FER1L6: variants seen among roughly 807,000 people sequenced by gnomAD.
FER1L6 encodes fer-1-like protein 6.
A neutral mutation model predicts 219.2 loss-of-function variants in FER1L6; 177 were observed. The ratio of observed to expected loss-of-function variants is 0.81; its 90% CI spans 0.71 to 0.91. The LOEUF is 0.91. Ranked by LOEUF, FER1L6 falls within the 40% of genes least tolerant of loss-of-function variation. The pLI is 0.00. For missense variants in FER1L6, 2,153 were observed against 2,259.9 expected, an observed-to-expected ratio of 0.95 and a Z score of 0.96; for synonymous variants, 768 against 824.3, an observed-to-expected ratio of 0.93 and a Z score of 1.17.
Position 124,097,318 on chromosome 8 carries a change from A to G in FER1L6, c.4743A>G (p.Gln1581=), listed in dbSNP as rs1357262722. ...ACATGTTTCCCAAGGATATGCCTCAACCTGGACCTCCTGTTGACATCTCTC... is the reference window on the plus strand; with the variant it reads ...ACATGTTTCCCAAGGATATGCCTCAGCCTGGACCTCCTGTTGACATCTCTC... The part of the protein sequence containing the change: ...WVDMFPKDMP[Q]PGPPVDISPR... The change falls in exon 36 of 41, where the codon CAA becomes CAG. Residue 1581 remains glutamine, a synonymous_variant. Coordinates refer to ENST00000522917, the MANE Select transcript of FER1L6 (RefSeq NM_001039112.2). 23 of 1,613,544 alleles carry G rather than the reference A, an allele frequency of 1.4e-5. No homozygotes were observed. Among genetic ancestry groups the G allele is most frequent in the East Asian group, 1.1e-4 (5 of 44,860 alleles).
Position 124,066,491 on chromosome 8 carries a change from G to A in FER1L6, c.3619G>A (p.Ala1207Thr), listed in dbSNP as rs1482192264. The change falls in exon 27 of 41, where the codon GCT becomes ACT. Residue 1207 changes from alanine to threonine, a missense_variant. Transcript: ENST00000522917. The stretch of plus-strand genomic sequence containing the variant: ...AAAGAGGACCATAGCAGATGAATCT[G>A]CTGAAAACGTGATTGACTGGTGGTC... ...RRKRTIADES[A>T]ENVIDWWSKY... The A allele has an allele frequency of 6.2e-7, 1 of 1,613,970 alleles. No individual in the cohort carries two copies. The highest frequency in any genetic ancestry group is 8.5e-7 in the Non-Finnish European group (1 of 1,179,968).
rs1169269552 is a variant in FER1L6, at chr8:124,035,165, C to T, written c.2287-112C>T. On this transcript the variant is annotated intron_variant, in intron 18 of 40. Transcript: ENST00000522917. ...ATTTAAGAGGAGCTCTTGAGAACTG[C>T]TCTCTGAACATACTTCCAGGTGTGT... 3 of 1,148,116 alleles carry T rather than the reference C, an allele frequency of 2.6e-6. No individual in the cohort carries two copies. The African/African-American group carries it at 4.7e-5, about 18-fold the overall frequency. The allele number at this position is 1,148,116 out of a possible 1,614,324, so 71.1% of individuals were successfully genotyped here.
chr8:123,871,134 G>A (rs1816917867), intron 1 of FER1L6, among the ~76,000 whole-genome samples: 1 of 152,140 alleles, frequency 6.6e-6, no homozygotes, highest in Admixed American at 6.6e-5. Context: ...ATTTGGTAAC[G>A]GATTAGAGTT....
chr8:123,940,721 A>G (rs1158991690), intron 1 of FER1L6, among the ~76,000 whole-genome samples: 1 of 152,192 alleles, frequency 6.6e-6, no homozygotes, highest in Non-Finnish European at 1.5e-5. Context: ...ATTGTAAAGA[A>G]AATTCCCAAA....
Position 124,102,622 on chromosome 8 carries a change from G to A in FER1L6, c.5126-524G>A, listed in dbSNP as rs181396013. Among the ~76,000 whole-genome samples the A allele has an allele frequency of 1.1e-3, 164 of 152,312 alleles. 1 individual carries two copies. In the Middle Eastern group the frequency reaches 0.017, roughly 16 times the overall value. ...AGAACTCATGGCAATCTCTTACTCT[G>A]CCTTGTGTTCCCTCGTTGGAAAAAC... On this transcript the variant is annotated intron_variant, in intron 38 of 40. Transcript: ENST00000522917.
chr8:124,038,995 A>C (rs1296255643), intron 19 of FER1L6, among the ~76,000 whole-genome samples: 1 of 152,204 alleles, frequency 6.6e-6, no homozygotes, highest in East Asian at 1.9e-4. Context: ...GTGATCAGAA[A>C]GTACCATGGA....
intron 37 of FER1L6, among the ~76,000 whole-genome samples, chr8:124,100,802 C>T (rs1247451161): frequency 6.6e-6 from 1 of 152,044 alleles, no homozygotes; most frequent in Non-Finnish European, 1.5e-5. Flanking sequence ...ATTACATTTT[C>T]ACTTCCTATT....
Position 123,986,153 on chromosome 8 carries a change from C to A in FER1L6, c.1496C>A (p.Pro499His). 1 of 1,611,314 alleles carries A rather than the reference C, an allele frequency of 6.2e-7. No homozygotes were observed. Among genetic ancestry groups the A allele is most frequent in the African/African-American group, 1.3e-5 (1 of 74,932 alleles). Residue 499 changes from proline (P) to histidine (H), a missense_variant, in exon 12 of 41, where the codon CCC (proline) becomes CAC (histidine). Pro to His is a moderately conservative substitution (Grantham distance 77). Coordinates refer to ENST00000522917, the MANE Select transcript of FER1L6 (RefSeq NM_001039112.2). ...ATTGACCGGAAGATTGGAGATAAAC[C>A]CATCAGCTTTGAAGTTTCTATTGGT... ...TMIDRKIGDK[P>H]ISFEVSIGNF...
chr8:123,943,307 G>A (rs1475864038), intron 1 of FER1L6, among the ~76,000 whole-genome samples: 1 of 152,178 alleles, frequency 6.6e-6, no homozygotes, highest in Non-Finnish European at 1.5e-5. Flanking sequence ...TGGAGCTAGG[G>A]CTCTTTTGAG....
intron 22 of FER1L6, among the ~76,000 whole-genome samples, chr8:124,052,074 A>G (rs1820063042): frequency 6.6e-6 from 1 of 152,218 alleles, no homozygotes; most frequent in African/African-American, 2.4e-5. Flanking sequence ...TTAAAACCAA[A>G]TGGGATTCTA....
chr8:123,954,171 C>A (rs1358978109), intron 1 of FER1L6, among the ~76,000 whole-genome samples: 1 of 152,152 alleles, frequency 6.6e-6, no homozygotes, highest in African/African-American at 2.4e-5. Context: ...CTTGCCCAAG[C>A]AGTTAGGGGT....
intron 1 of FER1L6, among the ~76,000 whole-genome samples, chr8:123,859,156 C>T (rs1816701084): frequency 6.6e-6 from 1 of 152,132 alleles, no homozygotes; most frequent in Non-Finnish European, 1.5e-5. Flanking sequence ...TGCACCTCCA[C>T]GCCCAGCTAA....
At chr8:124,037,419 G>A (rs1819269146) in intron 19 of FER1L6, among the ~76,000 whole-genome samples, 1 of 152,176 alleles carries the variant, frequency 6.6e-6, no homozygotes, top group African/African-American at 2.4e-5. Flanking sequence ...CATTTTAAGG[G>A]GCTCCCTTGC....
chr8:124,023,707 G>A, intron 18 of FER1L6, 111 bp downstream of exon 18: 1 of 1,156,420 alleles, frequency 8.6e-7, no homozygotes, highest in Non-Finnish European at 1.2e-6. Flanking sequence ...GCTTTCAAAG[G>A]TAGGAGGACA....
intron 1 of FER1L6, among the ~76,000 whole-genome samples, chr8:123,874,453 G>A (rs1025992355): frequency 7.9e-5 from 12 of 152,160 alleles, no homozygotes; most frequent in African/African-American, 2.7e-4. Context: ...GCACTACTAA[G>A]ATCAGTCCCT....
At chr8:124,035,052 T>A (rs1264023675) in intron 18 of FER1L6, among the ~76,000 whole-genome samples, 1 of 152,298 alleles carries the variant, frequency 6.6e-6, no homozygotes, top group East Asian at 1.9e-4. Context: ...CAGTGCAGGT[T>A]TAAGCTTTAG....
intron 18 of FER1L6, among the ~76,000 whole-genome samples, chr8:124,031,516 A>G (rs1456523582): frequency 6.6e-6 from 1 of 152,200 alleles, no homozygotes. Context: ...AATGGGCTAC[A>G]GTTACACAAG....
At chr8:123,910,424 C>A (rs537074884) in intron 1 of FER1L6, among the ~76,000 whole-genome samples, 1 of 152,154 alleles carries the variant, frequency 6.6e-6, no homozygotes, top group African/African-American at 2.4e-5. Flanking sequence ...GGACCTTTTT[C>A]GTTCAGCATT....
chr8:124,067,133 G>GT (rs1333008310), intron 27 of FER1L6, among the ~76,000 whole-genome samples: 7 of 152,306 alleles, frequency 4.6e-5, no homozygotes, highest in African/African-American at 1.4e-4. Context: ...ACTGGATATG[G>GT]TAAGATTTCC....
Sources: gnomAD v4.1 joint callset for allele counts (sites outside exome capture counted in the v4.1 genomes callset) on GRCh38, gnomAD v4.1.1 for gene constraint, MANE v1.5 for transcripts, NCBI Gene and HGNC (gene_info 2026-07-23, HGNC 2026-07-21) for gene names.